The following METTL24 variants were observed in gnomAD, a reference collection of about 807,000 sequenced individuals.
METTL24 encodes methyltransferase like 24.
METTL24 carries 29 observed loss-of-function variants against 32.7 expected under a neutral mutation model. That is an observed-to-expected ratio of 0.89 (90% CI 0.66 to 1.21). The LOEUF (loss-of-function observed/expected upper bound fraction) is 1.21, where lower values mean the gene tolerates loss of function less well. Among genes scored for constraint, METTL24 ranks in the 50% most tolerant of loss-of-function variants. The pLI is 0.00. For synonymous variants in METTL24, 163 were observed against 179.5 expected (o/e 0.91, Z 0.73); for missense variants, 439 against 468.1 (o/e 0.94, Z 0.57).
chr6:110,295,226 T>C, intron 4 of METTL24, among the ~76,000 whole-genome samples: 1 of 152,122 alleles, frequency 6.6e-6, no homozygotes, highest in East Asian at 1.9e-4. Flanking sequence ...TTTTTAAATC[T>C]TTTGTAGAGA....
At chr6:110,336,550 C>A (rs1772233706) in intron 1 of METTL24, among the ~76,000 whole-genome samples, 1 of 151,998 alleles carries the variant, frequency 6.6e-6, no homozygotes, top group African/African-American at 2.4e-5. Flanking sequence ...ACCATCCTGG[C>A]TAACACGGTG....
chr6:110,315,619 C>T (rs949614294), intron 2 of METTL24, 138 bp from the exon 3 acceptor site: 3 of 812,396 alleles, frequency 3.7e-6, no homozygotes, highest in Middle Eastern at 3.5e-4. Flanking sequence ...CTCCCCTCCC[C>T]AGGGAACCAC....
chr6:110,304,152 T>C (rs1488234102), intron 3 of METTL24, among the ~76,000 whole-genome samples: 1 of 151,836 alleles, frequency 6.6e-6, no homozygotes, highest in East Asian at 1.9e-4. Context: ...GGGCAAAAAC[T>C]CCATCTGAAG....
chr6:110,267,246 A>T (rs1562220559), intron 4 of METTL24, among the ~76,000 whole-genome samples: 1 of 152,176 alleles, frequency 6.6e-6, no homozygotes, highest in Non-Finnish European at 1.5e-5. Flanking sequence ...CAAACTATAA[A>T]CAGATGTATG....
chr6:110,345,957 CAA>C (rs965744927), intron 1 of METTL24, among the ~76,000 whole-genome samples: 3 of 152,148 alleles, frequency 2.0e-5, no homozygotes, highest in African/African-American at 7.2e-5. Context: ...AAACAAAAAA[CAA>C]AGTTAGTTTT....
intron 4 of METTL24, among the ~76,000 whole-genome samples, chr6:110,257,650 C>A (rs1057202842): frequency 6.6e-6 from 1 of 152,108 alleles, no homozygotes; most frequent in Non-Finnish European, 1.5e-5. Flanking sequence ...CTACTAAGAG[C>A]CCAGCTGCCG....
At chr6:110,303,712 G>A (rs534356171) in intron 3 of METTL24, among the ~76,000 whole-genome samples, 6 of 152,350 alleles carry the variant, frequency 3.9e-5, no homozygotes, top group African/African-American at 1.4e-4. Flanking sequence ...CAGAGCACCT[G>A]GGGGAAGGGG....
At chr6:110,285,314 T>C (rs1007107875) in intron 4 of METTL24, among the ~76,000 whole-genome samples, 1 of 152,236 alleles carries the variant, frequency 6.6e-6, no homozygotes, top group African/African-American at 2.4e-5. Context: ...TTTGTGTTTT[T>C]TAAAAGGTGC....
intron 4 of METTL24, among the ~76,000 whole-genome samples, chr6:110,281,324 A>G (rs1195326834): frequency 6.6e-6 from 1 of 152,256 alleles, no homozygotes; most frequent in East Asian, 1.9e-4. Flanking sequence ...TGGGAAATTG[A>G]ATTGAGACCT....
At chr6:110,326,416 T>C (rs1772017705) in intron 1 of METTL24, among the ~76,000 whole-genome samples, 1 of 152,238 alleles carries the variant, frequency 6.6e-6, no homozygotes, top group African/African-American at 2.4e-5. Flanking sequence ...TGTAAAACTT[T>C]GATTAAATAA....
At position 110,244,970 on chromosome 6, in the gene METTL24, T is replaced by TTTATCTATCTATCTATCTATCTATC. The variant is rs142492216; in HGVS notation, c.*975_*976insGATAGATAGATAGATAGATAGATAA. 6.7e-6 allele frequency among the ~76,000 whole-genome samples: 1 copy of TTTATCTATCTATCTATCTATCTATC among 149,966 alleles called. No individual in the cohort carries two copies. Among genetic ancestry groups the TTTATCTATCTATCTATCTATCTATC allele is most frequent in the African/African-American group, 2.5e-5 (1 of 40,280 alleles). On this transcript the variant is annotated 3_prime_UTR_variant, in exon 5 of 5. Transcript: ENST00000338882. ...AAACATGCCAGTAGGAAAATCTATC[T>TTTATCTATCTATCTATCTATCTATC]TATCTATCTATCTATCTATCTATCT... is the stretch of plus-strand genomic sequence containing the variant.
intron 3 of METTL24, among the ~76,000 whole-genome samples, chr6:110,312,948 G>A (rs533461207): frequency 1.1e-4 from 16 of 152,308 alleles, no homozygotes; most frequent in South Asian, 4.2e-4. Flanking sequence ...ATTTTTGAGC[G>A]GTTAAATTCC....
At chr6:110,276,038 T>C (rs1282609475) in intron 4 of METTL24, among the ~76,000 whole-genome samples, 1 of 152,224 alleles carries the variant, frequency 6.6e-6, no homozygotes, top group Non-Finnish European at 1.5e-5. Flanking sequence ...TATTGTAGAA[T>C]GCACACACCA....
In METTL24 at chr6:110,315,364, G is replaced by T. The variant is rs755547283; in HGVS notation, c.535C>A (p.Gln179Lys). 3.7e-6 allele frequency: 6 copies of T among 1,614,050 alleles called. No homozygotes were observed. In the Admixed American group the frequency reaches 1.0e-4, roughly 27 times the overall value. Residue 179 changes from glutamine to lysine, a missense_variant, in exon 3 of 5, where the codon CAG becomes AAG. Transcript: ENST00000338882. ...CACCCTAAGGAGTAGAGGCGGCACTGCTTGTTGCGGATTTGATGAGCTAAA... is the reference window on the plus strand; with the variant it reads ...CACCCTAAGGAGTAGAGGCGGCACTTCTTGTTGCGGATTTGATGAGCTAAA... Reference protein sequence around the residue: ...FNLAHQIRNKQCRLYSLGLGS... With the variant: ...FNLAHQIRNKKCRLYSLGLGS...
chr6:110,275,175 G>A (rs1426854674), intron 4 of METTL24, among the ~76,000 whole-genome samples: 1 of 151,722 alleles, frequency 6.6e-6, no homozygotes, highest in Non-Finnish European at 1.5e-5. Context: ...CTTCCACAAT[G>A]TTTCCAGAAT....
chr6:110,306,605 A>G (rs556867906), intron 3 of METTL24, among the ~76,000 whole-genome samples: 94 of 152,254 alleles, frequency 6.2e-4, no homozygotes, highest in Admixed American at 9.2e-4. Context: ...CTTTTACTAT[A>G]ATCTTAATAT....
chr6:110,315,612 C>T, intron 2 of METTL24, 131 bp from the exon 3 acceptor site: 2 of 902,272 alleles, frequency 2.2e-6, no homozygotes, highest in Non-Finnish European at 3.4e-6. Context: ...CTAACAACTC[C>T]CCTCCCCAGG....
chr6:110,253,813 CTTT>C (rs59326205), intron 4 of METTL24: 58,979 of 1,172,930 alleles, frequency 0.05, 1,983 homozygotes, highest in African/African-American at 0.16. Flanking sequence ...TTCAAATCTG[CTTT>C]TTAACATAAC....
intron 1 of METTL24, among the ~76,000 whole-genome samples, chr6:110,332,069 A>G (rs9481058): frequency 0.099 from 15,003 of 152,224 alleles, 1,157 homozygotes; most frequent in African/African-American, 0.2. Flanking sequence ...CCTCTGCAGC[A>G]TGACACAGAG....
Sources: gnomAD v4.1 joint callset for allele counts (sites outside exome capture counted in the v4.1 genomes callset) on GRCh38, gnomAD v4.1.1 for gene constraint, MANE v1.5 for transcripts, NCBI Gene and HGNC (gene_info 2026-07-23, HGNC 2026-07-21) for gene names.